ITGA1: variants seen among roughly 807,000 people sequenced by gnomAD.
ITGA1 encodes the protein integrin subunit alpha 1, also known as integrin alpha-1.
Under a neutral mutation model 145.9 loss-of-function variants are expected in ITGA1, and 85 were observed. The ratio of observed to expected loss-of-function variants is 0.58; its 90% CI spans 0.49 to 0.70. The LOEUF is 0.70. Among genes scored for constraint, ITGA1 ranks in the 30% least tolerant of loss-of-function variants. The pLI is 0.00. For synonymous variants in ITGA1, 520 were observed against 495.3 expected, an observed-to-expected ratio of 1.05 and a Z score of -0.66; for missense variants, 1,351 against 1,418.7, an observed-to-expected ratio of 0.95 and a Z score of 0.77.
chr5:52,916,953 T>C (rs927625876), intron 15 of ITGA1, among the ~76,000 whole-genome samples: 11 of 152,170 alleles, frequency 7.2e-5, no homozygotes, highest in Admixed American at 3.9e-4. Flanking sequence ...AATCAAGGCA[T>C]TGATGGCCCA....
chr5:52,849,462 A>G lies in ITGA1; in HGVS notation c.159A>G (p.Gln53=). The G allele has an allele frequency of 1.9e-6, 3 of 1,606,184 alleles. No individual in the cohort carries two copies. The highest frequency in any genetic ancestry group is 2.6e-6 in the Non-Finnish European group (3 of 1,175,496). The part of the protein sequence containing the change: ...VEDMFGYTVQ[Q]YENEEGKWVL... ...ACATGTTTGGATATACTGTTCAACA[A>G]TATGAAAATGAAGAAGGAAAATGGT... The change falls in exon 2 of 29, where the codon CAA becomes CAG. Residue 53 remains glutamine (Q), a synonymous_variant. Coordinates refer to ENST00000282588, the MANE Select transcript of ITGA1 (RefSeq NM_181501.2).
intron 17 of ITGA1, 132 bp downstream of exon 17, chr5:52,920,600 T>G: frequency 1.4e-6 from 1 of 738,820 alleles, no homozygotes; most frequent in Non-Finnish European, 2.0e-6. Flanking sequence ...GAAATCTTGT[T>G]TGTTCATTTT....
intron 24 of ITGA1, among the ~76,000 whole-genome samples, chr5:52,938,281 A>T (rs1751001823): frequency 6.6e-6 from 1 of 152,160 alleles, no homozygotes; most frequent in African/African-American, 2.4e-5. Flanking sequence ...TCACATCCCA[A>T]ATAATAGCAA....
intron 1 of ITGA1, chr5:52,800,417 T>C: frequency 6.2e-7 from 1 of 1,613,934 alleles, no homozygotes; most frequent in Non-Finnish European, 8.5e-7. Flanking sequence ...AGGAAGAACA[T>C]CGAGAAGGAC....
chr5:52,865,999 A>AC (rs1749680920), intron 6 of ITGA1, among the ~76,000 whole-genome samples, 182 bp downstream of exon 6: 1 of 126,686 alleles, frequency 7.9e-6, no homozygotes, highest in African/African-American at 3.1e-5. Flanking sequence ...GTTATTTTCT[A>AC]TTTTTTTCTT....
intron 1 of ITGA1, among the ~76,000 whole-genome samples, chr5:52,813,247 T>C (rs1483937736): frequency 1.3e-5 from 2 of 152,160 alleles, no homozygotes; most frequent in Non-Finnish European, 2.9e-5. Context: ...TGACCCTCAT[T>C]AAACTTCCAA....
At chr5:52,934,388 G>T (rs561426996) in intron 23 of ITGA1, among the ~76,000 whole-genome samples, 1 of 151,654 alleles carries the variant, frequency 6.6e-6, no homozygotes, top group Admixed American at 6.6e-5. Context: ...ACTGAGAAAA[G>T]CACTTTTTCA....
At chr5:52,801,173 A>T in intron 1 of ITGA1, 1 of 1,490,888 alleles carries the variant, frequency 6.7e-7, no homozygotes. Flanking sequence ...GATTGGTATA[A>T]ACTACTCCTA....
intron 12 of ITGA1, 114 bp downstream of exon 12, chr5:52,906,022 G>A (rs1309280067): frequency 2.4e-6 from 2 of 847,802 alleles, no homozygotes; most frequent in Non-Finnish European, 3.6e-6. Flanking sequence ...GTAACAACTG[G>A]GAACAGGGCC....
chr5:52,941,304 C>A (rs1471028871), intron 26 of ITGA1, among the ~76,000 whole-genome samples: 2 of 152,132 alleles, frequency 1.3e-5, no homozygotes, highest in African/African-American at 4.8e-5. Context: ...AATGGGATTG[C>A]TGGGTTGAAT....
At chr5:52,851,110 C>A (rs912665710) in intron 2 of ITGA1, among the ~76,000 whole-genome samples, 2 of 152,176 alleles carry the variant, frequency 1.3e-5, no homozygotes, top group African/African-American at 4.8e-5. Context: ...AAGACTTAAA[C>A]CACCTACTTA....
chr5:52,918,069 T>C (rs1579719637), intron 15 of ITGA1, among the ~76,000 whole-genome samples: 1 of 152,320 alleles, frequency 6.6e-6, no homozygotes, highest in South Asian at 2.1e-4. Flanking sequence ...TGATCTCATT[T>C]TGGATTAGTA....
chr5:52,828,736 A>C (rs899655970), intron 1 of ITGA1, among the ~76,000 whole-genome samples: 3 of 152,182 alleles, frequency 2.0e-5, no homozygotes, highest in Admixed American at 2.0e-4. Flanking sequence ...GGCTTAAAAC[A>C]ATATATTGTC....
In ITGA1 at chr5:52,952,468, AAAT is replaced by A. The variant is rs1439312839; in HGVS notation, c.*23_*25del. On this transcript the variant is annotated 3_prime_UTR_variant, in exon 29 of 29. Coordinates refer to ENST00000282588, the MANE Select transcript of ITGA1 (RefSeq NM_181501.2). ...GAGAAATGAAATATTTTATGAAAGA[AAAT>A]AATAACAATTATTCAATAATCTATC... 1 of 1,138,354 alleles carries A rather than the reference AAAT, an allele frequency of 8.8e-7. No homozygotes were observed. Among genetic ancestry groups the A allele is most frequent in the Non-Finnish European group, 1.3e-6 (1 of 790,942 alleles). The allele number at this position is 1,138,354 out of a possible 1,614,324, so 70.5% of individuals were successfully genotyped here.
chr5:52,878,672 C>T (rs973357179), intron 6 of ITGA1, among the ~76,000 whole-genome samples: 11 of 152,122 alleles, frequency 7.2e-5, no homozygotes, highest in Admixed American at 2.0e-4. Context: ...ATGAGAACAA[C>T]GTGGACTCAT....
At chr5:52,939,795 T>C (rs767795633) in intron 25 of ITGA1, 45 bp from the exon 26 acceptor site, 1 of 1,455,630 alleles carries the variant, frequency 6.9e-7, no homozygotes, top group Admixed American at 1.7e-5. Flanking sequence ...AGATATTTGA[T>C]AAAACGGCAA....
chr5:52,942,044 A>G (rs527743754), intron 26 of ITGA1, among the ~76,000 whole-genome samples: 1 of 152,202 alleles, frequency 6.6e-6, no homozygotes, highest in East Asian at 1.9e-4. Flanking sequence ...TCCTTTCCCC[A>G]TTGCTTGTTT....
chr5:52,829,362 C>CA (rs1192339628), intron 1 of ITGA1, among the ~76,000 whole-genome samples: 8 of 150,100 alleles, frequency 5.3e-5, no homozygotes, highest in African/African-American at 1.7e-4. Context: ...CTGTCTTTAC[C>CA]AAAAAAAAGT....
chr5:52,819,203 A>G (rs1054763032), intron 1 of ITGA1, among the ~76,000 whole-genome samples: 1 of 152,178 alleles, frequency 6.6e-6, no homozygotes, highest in Non-Finnish European at 1.5e-5. Context: ...CTAGTTCTAG[A>G]TCCCTGAGGA....
Sources: allele counts gnomAD v4.1 joint callset (sites outside exome capture counted in the v4.1 genomes callset), GRCh38; gene constraint gnomAD v4.1.1; transcripts MANE v1.5; gene names NCBI Gene and HGNC (gene_info 2026-07-23, HGNC 2026-07-21).